Variants in DPP10 observed in about 807,000 individuals in gnomAD.
DPP10 encodes dipeptidyl peptidase like 10.
A neutral mutation model predicts 120.9 loss-of-function variants in DPP10; 33 were observed. The observed-to-expected ratio is 0.27, with a 90% CI of 0.21 to 0.37. The LOEUF is 0.37. Among genes scored for constraint, DPP10 ranks in the 10% least tolerant of loss-of-function variants. DPP10 has a pLI of 1.00. For synonymous variants in DPP10, 337 were observed against 326.1 expected, an observed-to-expected ratio of 1.03 and a Z score of -0.36; for missense variants, 816 against 942.8, an observed-to-expected ratio of 0.87 and a Z score of 1.76.
At chr2:115,560,419 TATATATATATATATATATATATATATAC>T (rs2080556575) in intron 5 of DPP10, among the ~76,000 whole-genome samples, 1 of 54,202 alleles carries the variant, frequency 1.8e-5, no homozygotes, top group African/African-American at 8.2e-5. Flanking sequence ...TATATATATA[TATATATATATATATATATATATATATAC>T]GACAAGCTAC....
At chr2:115,027,730 A>G (rs1703563991) in intron 1 of DPP10, among the ~76,000 whole-genome samples, 1 of 152,000 alleles carries the variant, frequency 6.6e-6, no homozygotes, top group East Asian at 1.9e-4. Flanking sequence ...GTTCGGTAGA[A>G]CATCAGGTCC....
intron 7 of DPP10, among the ~76,000 whole-genome samples, chr2:115,716,937 A>G (rs558309967): frequency 6.6e-6 from 1 of 152,360 alleles, no homozygotes; most frequent in South Asian, 2.1e-4. Flanking sequence ...AATTTCTTCT[A>G]GTGTCCCTCA....
intron 3 of DPP10, among the ~76,000 whole-genome samples, chr2:115,427,573 C>T (rs929889109): frequency 2.0e-5 from 3 of 152,172 alleles, no homozygotes; most frequent in Non-Finnish European, 4.4e-5. Context: ...TAGGAGGAGC[C>T]TCCTGAGGTA....
At chr2:115,154,583 A>G (rs2104918960) in intron 1 of DPP10, among the ~76,000 whole-genome samples, 1 of 152,306 alleles carries the variant, frequency 6.6e-6, no homozygotes, top group South Asian at 2.1e-4. Context: ...TCCCTGGATG[A>G]TCCTATTCAG....
chr2:115,243,875 G>A (rs2058400977), intron 1 of DPP10, among the ~76,000 whole-genome samples: 1 of 151,076 alleles, frequency 6.6e-6, no homozygotes, highest in Non-Finnish European at 1.5e-5. Context: ...ATAGGGATTT[G>A]CACAAAGAGT....
intron 1 of DPP10, among the ~76,000 whole-genome samples, chr2:115,073,867 CT>C (rs1209089576): frequency 6.6e-6 from 1 of 152,142 alleles, no homozygotes. Context: ...TGAATGGTAG[CT>C]TTTTTATACT....
At chr2:115,756,126 A>C in intron 11 of DPP10, among the ~76,000 whole-genome samples, 1 of 152,042 alleles carries the variant, frequency 6.6e-6, no homozygotes, top group East Asian at 1.9e-4. Context: ...CTGGGGGATA[A>C]AAGAAATTGC....
At chr2:114,658,990 C>T (rs1697182602) in intron 1 of DPP10, among the ~76,000 whole-genome samples, 2 of 152,116 alleles carry the variant, frequency 1.3e-5, no homozygotes, top group Admixed American at 6.6e-5. Context: ...GTTCTCATGA[C>T]ATCTGATGGT....
intron 1 of DPP10, among the ~76,000 whole-genome samples, chr2:114,469,515 T>C (rs1308613363): frequency 6.6e-6 from 1 of 151,966 alleles, no homozygotes; most frequent in Non-Finnish European, 1.5e-5. Context: ...CAGATAACCA[T>C]ACAGGAGTTT....
At chr2:115,016,573 C>G (rs764443947) in intron 1 of DPP10, among the ~76,000 whole-genome samples, 3 of 151,858 alleles carry the variant, frequency 2.0e-5, no homozygotes, top group Non-Finnish European at 4.4e-5. Flanking sequence ...AGGCAACCTA[C>G]AGAATGGGGG....
At chr2:114,855,058 C>G (rs761973827) in intron 1 of DPP10, among the ~76,000 whole-genome samples, 23 of 152,270 alleles carry the variant, frequency 1.5e-4, no homozygotes, top group Non-Finnish European at 2.4e-4. Flanking sequence ...GTACAACAAA[C>G]TCTTCTTCCC....
chr2:115,530,226 G>C (rs1482442392), intron 5 of DPP10, among the ~76,000 whole-genome samples: 2 of 151,920 alleles, frequency 1.3e-5, no homozygotes. Context: ...TTGCTGGGCT[G>C]TATATTATAG....
At chr2:114,579,167 G>A (rs758723762) in intron 1 of DPP10, among the ~76,000 whole-genome samples, 20 of 152,178 alleles carry the variant, frequency 1.3e-4, no homozygotes, top group Non-Finnish European at 1.2e-4. Context: ...TTATTGTTTT[G>A]ATTAATGACT....
intron 1 of DPP10, among the ~76,000 whole-genome samples, chr2:115,136,939 C>T (rs1312661174): frequency 3.3e-5 from 5 of 152,128 alleles, no homozygotes. Context: ...TACATTAGTT[C>T]TCCTTCCCTT....
At chr2:115,806,687 T>C (rs555381559) in intron 19 of DPP10, among the ~76,000 whole-genome samples, 2 of 152,182 alleles carry the variant, frequency 1.3e-5, no homozygotes, top group South Asian at 2.1e-4. Context: ...ATGTAGCCTA[T>C]ATGTATTGTC....
intron 1 of DPP10, among the ~76,000 whole-genome samples, chr2:114,537,537 T>A (rs1686612068): frequency 6.6e-6 from 1 of 151,978 alleles, no homozygotes. Flanking sequence ...ACAAGGAGGA[T>A]CCCTTGAGAT....
At chr2:115,239,741 A>G (rs1057425763) in intron 1 of DPP10, among the ~76,000 whole-genome samples, 1 of 152,118 alleles carries the variant, frequency 6.6e-6, no homozygotes, top group African/African-American at 2.4e-5. Flanking sequence ...TCCTAATGCT[A>G]TCCCTCTCCT....
In DPP10 at chr2:115,809,637, T is replaced by C. The variant is rs148145383; in HGVS notation, c.1701-5156T>C. ...TCAAGGATTCTAGCTTTCAAACAGGTACTCGTGCAACTGAGCGAACCTGTT... is the reference window on the plus strand; with the variant it reads ...TCAAGGATTCTAGCTTTCAAACAGGCACTCGTGCAACTGAGCGAACCTGTT... On this transcript the variant is annotated intron_variant, in intron 19 of 25. Coordinates refer to ENST00000410059, the MANE Select transcript of DPP10 (RefSeq NM_020868.6). Among the ~76,000 whole-genome samples, 810 of 152,266 alleles carry C rather than the reference T, an allele frequency of 5.3e-3. 11 individuals carry two copies. Among genetic ancestry groups the C allele is most frequent in the African/African-American group, 0.019 (780 of 41,546 alleles).
chr2:115,546,615 A>G (rs1248997991), intron 5 of DPP10, among the ~76,000 whole-genome samples: 1 of 152,152 alleles, frequency 6.6e-6, no homozygotes, highest in Non-Finnish European at 1.5e-5. Context: ...CTGATAAAAT[A>G]TAGGTGTTAG....
Sources: allele counts gnomAD v4.1 joint callset (sites outside exome capture counted in the v4.1 genomes callset), GRCh38; gene constraint gnomAD v4.1.1; transcripts MANE v1.5; gene names NCBI Gene and HGNC (gene_info 2026-07-23, HGNC 2026-07-21).